ROBO2: variants seen among roughly 807,000 people sequenced by gnomAD.
The protein encoded by ROBO2 is roundabout guidance receptor 2, also known as roundabout homolog 2.
In ROBO2, 53 loss-of-function variants were observed where a neutral mutation model predicts 160.8. The observed-to-expected ratio is 0.33, with a 90% confidence interval of 0.26 to 0.41. The LOEUF (loss-of-function observed/expected upper bound fraction) is 0.41. Ranked by LOEUF, ROBO2 falls within the 10% of genes least tolerant of loss-of-function variation. ROBO2 has a pLI of 1.00. For synonymous variants in ROBO2, 664 were observed against 611.7 expected, an observed-to-expected ratio of 1.09 and a Z score of -1.26; for missense variants, 1,577 against 1,722.4, an observed-to-expected ratio of 0.92 and a Z score of 1.49.
At chr3:76,817,944 A>C (rs1309807150) in intron 2 of ROBO2, among the ~76,000 whole-genome samples, 1 of 151,568 alleles carries the variant, frequency 6.6e-6, no homozygotes, top group Non-Finnish European at 1.5e-5. Context: ...GCAATTGCGA[A>C]TTATGCTACT....
chr3:76,534,190 G>T (rs2082373572), intron 2 of ROBO2, among the ~76,000 whole-genome samples: 1 of 152,096 alleles, frequency 6.6e-6, no homozygotes, highest in South Asian at 2.1e-4. Flanking sequence ...ACACCTTAAA[G>T]AAAATTTTAA....
chr3:76,171,943 C>G (rs2073054482), intron 2 of ROBO2, among the ~76,000 whole-genome samples: 1 of 152,032 alleles, frequency 6.6e-6, no homozygotes, highest in African/African-American at 2.4e-5. Flanking sequence ...AAGTCCTAAA[C>G]TCACCCCTAA....
intron 2 of ROBO2, among the ~76,000 whole-genome samples, chr3:76,814,222 G>A (rs879875252): frequency 2.6e-5 from 4 of 152,070 alleles, no homozygotes; most frequent in Non-Finnish European, 5.9e-5. Flanking sequence ...ACTCAACTGT[G>A]GGCACTGCAA....
At chr3:76,768,452 C>A in intron 2 of ROBO2, among the ~76,000 whole-genome samples, 1 of 151,290 alleles carries the variant, frequency 6.6e-6, no homozygotes. Context: ...CAAGTTGAAA[C>A]TAATTTTTAA....
At chr3:77,369,203 C>T (rs532719533) in intron 2 of ROBO2, among the ~76,000 whole-genome samples, 11 of 152,200 alleles carry the variant, frequency 7.2e-5, no homozygotes, top group Admixed American at 2.6e-4. Context: ...CTTCAGTCTC[C>T]CAAGTGCCCA....
intron 2 of ROBO2, among the ~76,000 whole-genome samples, chr3:76,555,392 A>AGAC (rs1560141032): frequency 6.1e-4 from 44 of 72,488 alleles, no homozygotes; most frequent in South Asian, 1.4e-3. Flanking sequence ...AAGAAGAAGA[A>AGAC]GAAGAAGAAG....
intron 23 of ROBO2, chr3:77,629,606 T>C (rs1381930538): frequency 6.6e-6 from 1 of 152,154 alleles, no homozygotes; most frequent in Non-Finnish European, 1.5e-5. Context: ...TTGCTAAATA[T>C]CAATATTCAA....
At chr3:77,363,310 G>A (rs79109574) in intron 2 of ROBO2, among the ~76,000 whole-genome samples, 3,221 of 152,224 alleles carry the variant, frequency 0.021, 137 homozygotes, top group East Asian at 0.15. Flanking sequence ...TATTGTTGAA[G>A]GCACCATTTA....
At chr3:75,979,896 A>C (rs535651069) in intron 2 of ROBO2, among the ~76,000 whole-genome samples, 1 of 151,602 alleles carries the variant, frequency 6.6e-6, no homozygotes, top group African/African-American at 2.4e-5. Flanking sequence ...TGCTTAGTTT[A>C]TTTTCTCACA....
chr3:77,427,677 A>G (rs906632508), intron 2 of ROBO2, among the ~76,000 whole-genome samples: 1 of 152,246 alleles, frequency 6.6e-6, no homozygotes, highest in Non-Finnish European at 1.5e-5. Context: ...TCGTTAATTC[A>G]TAAAACAATT....
intron 2 of ROBO2, among the ~76,000 whole-genome samples, chr3:76,147,327 A>C (rs985282244): frequency 3.3e-5 from 5 of 151,436 alleles, no homozygotes; most frequent in Non-Finnish European, 5.9e-5. Context: ...AACATTTTAT[A>C]AATGTTACTA....
chr3:77,309,226 C>G (rs1021820514), intron 2 of ROBO2, among the ~76,000 whole-genome samples: 1 of 152,076 alleles, frequency 6.6e-6, no homozygotes, highest in Admixed American at 6.6e-5. Flanking sequence ...TGTTACTAAG[C>G]TTTACATATA....
At chr3:76,820,628 G>A (rs1018576475) in intron 2 of ROBO2, among the ~76,000 whole-genome samples, 3 of 151,980 alleles carry the variant, frequency 2.0e-5, no homozygotes, top group African/African-American at 7.2e-5. Context: ...TGTCTTGAAT[G>A]AGTTTATATC....
chr3:77,127,294 T>C (rs902508488), intron 2 of ROBO2, among the ~76,000 whole-genome samples: 4 of 152,162 alleles, frequency 2.6e-5, no homozygotes, highest in Non-Finnish European at 5.9e-5. Flanking sequence ...ACTTCTCATT[T>C]GTGGTTTAAT....
intron 2 of ROBO2, among the ~76,000 whole-genome samples, chr3:76,630,981 A>G (rs1900657): frequency 0.6 from 91,584 of 151,988 alleles, 27,786 homozygotes; most frequent in East Asian, 0.73. Flanking sequence ...GTCAGAAAGT[A>G]ACCATCCAGA....
chr3:76,756,919 G>T (rs796375400), intron 2 of ROBO2, among the ~76,000 whole-genome samples: 1 of 151,860 alleles, frequency 6.6e-6, no homozygotes. Context: ...TGTGGAGAAA[G>T]ACTGTGAAGG....
intron 2 of ROBO2, among the ~76,000 whole-genome samples, chr3:76,608,676 A>G (rs1465959790): frequency 6.6e-6 from 1 of 152,056 alleles, no homozygotes; most frequent in Admixed American, 6.6e-5. Context: ...AGTTTTCCCA[A>G]TGTGTTTTTT....
intron 2 of ROBO2, among the ~76,000 whole-genome samples, chr3:77,231,048 G>A (rs1364220012): frequency 6.6e-6 from 1 of 151,752 alleles, no homozygotes; most frequent in African/African-American, 2.4e-5. Flanking sequence ...ATTTAGAACT[G>A]GGATCTACTT....
intron 2 of ROBO2, among the ~76,000 whole-genome samples, chr3:77,188,508 T>C (rs115269681): frequency 0.015 from 2,278 of 151,984 alleles, 27 homozygotes; most frequent in Non-Finnish European, 0.024. Context: ...CCTGGGTTTG[T>C]CTTAAAAATA....
Sources: gnomAD v4.1 joint callset for allele counts (sites outside exome capture counted in the v4.1 genomes callset) on GRCh38, gnomAD v4.1.1 for gene constraint, MANE v1.5 for transcripts, NCBI Gene and HGNC (gene_info 2026-07-23, HGNC 2026-07-21) for gene names.